The following CNTN5 variants were observed in gnomAD, a reference collection of about 807,000 sequenced individuals.
CNTN5 encodes contactin-5.
In CNTN5, 77 loss-of-function variants were observed where a neutral mutation model predicts 129.1. The ratio of observed to expected loss-of-function variants is 0.60; its 90% CI spans 0.50 to 0.72. The LOEUF is 0.72. Ranked by LOEUF, CNTN5 falls within the 30% of genes least tolerant of loss-of-function variation. The pLI is 0.00. For missense variants in CNTN5, 1,478 were observed against 1,328.8 expected (o/e 1.11, Z -1.75); for synonymous variants, 509 against 465.6 (o/e 1.09, Z -1.20).
chr11:99,411,521 AAAAT>A (rs953278056), intron 2 of CNTN5, among the ~76,000 whole-genome samples: 1 of 151,760 alleles, frequency 6.6e-6, no homozygotes, highest in African/African-American at 2.4e-5. Context: ...CCTTGTCTCA[AAAAT>A]AAATAAATAA....
intron 2 of CNTN5, among the ~76,000 whole-genome samples, chr11:99,415,520 A>G (rs950951314): frequency 2.0e-5 from 3 of 152,140 alleles, no homozygotes; most frequent in African/African-American, 7.2e-5. Context: ...TGTTATGCAG[A>G]AAAGAGGGGG....
intron 15 of CNTN5, among the ~76,000 whole-genome samples, chr11:100,222,999 T>TG (rs1949296509): frequency 1.8e-5 from 1 of 55,746 alleles, no homozygotes; most frequent in African/African-American, 8.2e-5. Context: ...TATTTCCCCA[T>TG]TTAAAAAAAT....
chr11:99,778,073 AT>A (rs1166739009), intron 3 of CNTN5, among the ~76,000 whole-genome samples: 3 of 151,622 alleles, frequency 2.0e-5, no homozygotes, highest in Non-Finnish European at 2.9e-5. Context: ...ATTGAGTTGA[AT>A]TTTTTTTCAA....
chr11:99,296,964 A>G (rs907855367), intron 1 of CNTN5, among the ~76,000 whole-genome samples: 1 of 152,160 alleles, frequency 6.6e-6, no homozygotes, highest in African/African-American at 2.4e-5. Flanking sequence ...CTTACTTCCT[A>G]GGTGGGGAAT....
At chr11:100,041,931 T>C (rs767778178) in intron 9 of CNTN5, among the ~76,000 whole-genome samples, 9 of 152,140 alleles carry the variant, frequency 5.9e-5, no homozygotes, top group Non-Finnish European at 1.2e-4. Flanking sequence ...TAATCACACG[T>C]TCTGAGTCAA....
intron 1 of CNTN5, among the ~76,000 whole-genome samples, chr11:99,248,411 T>G (rs1483133136): frequency 2.0e-5 from 3 of 152,186 alleles, no homozygotes; most frequent in Non-Finnish European, 4.4e-5. Flanking sequence ...TTTCTGTAGG[T>G]GGCCTGTTCA....
chr11:99,705,402 C>T (rs1954711441), intron 3 of CNTN5, among the ~76,000 whole-genome samples: 1 of 151,242 alleles, frequency 6.6e-6, no homozygotes, highest in African/African-American at 2.4e-5. Flanking sequence ...TTCCCTTTTC[C>T]TACAGAAAAG....
At position 99,524,303 on chromosome 11, in the gene CNTN5, A is replaced by T. The variant is rs574427865; in HGVS notation, c.-70-31842A>T. Among the ~76,000 whole-genome samples, 23 of 152,288 alleles carry T rather than the reference A, an allele frequency of 1.5e-4. No homozygotes were observed. The South Asian group carries it at 1.9e-3, about 12-fold the overall frequency. On this transcript the variant is annotated intron_variant, in intron 2 of 24. Coordinates refer to ENST00000524871, the MANE Select transcript of CNTN5 (RefSeq NM_014361.4). ...TTATACAAGTTTGTTTTGTATTTTC[A>T]TAAAATGATCATTTTAATTTAAAGG...
chr11:99,644,916 C>T (rs556538071), intron 3 of CNTN5, among the ~76,000 whole-genome samples: 12 of 151,716 alleles, frequency 7.9e-5, no homozygotes, highest in East Asian at 3.9e-4. Flanking sequence ...TTTTAAATAC[C>T]TTCCAGAAAC....
In CNTN5 at chr11:99,607,761, A is replaced by G. The variant is rs548784968; in HGVS notation, c.55+51492A>G. Among the ~76,000 whole-genome samples the G allele has an allele frequency of 3.0e-3, 383 of 127,718 alleles. 9 individuals are homozygous for G. Among genetic ancestry groups the G allele is most frequent in the African/African-American group, 9.1e-3 (336 of 36,850 alleles). 83.8% of individuals were successfully genotyped at this position (127,718 alleles called of 152,430 possible). A position where few individuals can be genotyped will look rare whatever the true frequency, so the allele number is the denominator to read the frequency against. ...TGGCACATATACACCATGGAATACT[A>G]TGCAGCCATAAAAAGATGATGAGTT... On this transcript the variant is annotated intron_variant, in intron 3 of 24. Coordinates refer to ENST00000524871, the MANE Select transcript of CNTN5 (RefSeq NM_014361.4).
chr11:100,271,060 A>C, intron 17 of CNTN5, 32 bp from the exon 18 acceptor site: 1 of 1,557,218 alleles, frequency 6.4e-7, no homozygotes, highest in South Asian at 1.2e-5. Flanking sequence ...TCTAGTCCTC[A>C]TAATGACATG....
At chr11:100,104,105 T>TA (rs2138075903) in intron 13 of CNTN5, among the ~76,000 whole-genome samples, 1 of 151,456 alleles carries the variant, frequency 6.6e-6, no homozygotes, top group Non-Finnish European at 1.5e-5. Flanking sequence ...TTTTTTTTTT[T>TA]TTTTTTTGAG....
intron 3 of CNTN5, among the ~76,000 whole-genome samples, chr11:99,812,191 T>A (rs1048933575): frequency 6.6e-6 from 1 of 151,970 alleles, no homozygotes; most frequent in Non-Finnish European, 1.5e-5. Flanking sequence ...ACTTGTGGAG[T>A]TTTCTGTAGA....
At chr11:99,384,904 C>T (rs1940829266) in intron 2 of CNTN5, among the ~76,000 whole-genome samples, 1 of 151,928 alleles carries the variant, frequency 6.6e-6, no homozygotes, top group South Asian at 2.1e-4. Flanking sequence ...CAAAGTCTAC[C>T]CCCCTAACAC....
chr11:100,345,719 A>G (rs1040742066), intron 23 of CNTN5, among the ~76,000 whole-genome samples: 1 of 152,298 alleles, frequency 6.6e-6, no homozygotes, highest in South Asian at 2.1e-4. Context: ...ATTTAGGTGA[A>G]CATTAAGCAG....
chr11:99,842,985 C>G (rs906442798), intron 4 of CNTN5, among the ~76,000 whole-genome samples: 10 of 152,194 alleles, frequency 6.6e-5, no homozygotes, highest in African/African-American at 2.4e-4. Context: ...ATTCCCAGCA[C>G]TTTGGGAGGC....
chr11:99,105,194 T>C (rs369406218), intron 1 of CNTN5, among the ~76,000 whole-genome samples: 1 of 152,186 alleles, frequency 6.6e-6, no homozygotes, highest in Non-Finnish European at 1.5e-5. Flanking sequence ...AGTACACTTA[T>C]GTCGTGGGAT....
At chr11:99,325,774 A>C (rs575901029) in intron 2 of CNTN5, among the ~76,000 whole-genome samples, 4 of 152,296 alleles carry the variant, frequency 2.6e-5, no homozygotes, top group Admixed American at 6.5e-5. Flanking sequence ...CAAGTAACTG[A>C]ATGTGGTATA....
intron 1 of CNTN5, among the ~76,000 whole-genome samples, chr11:99,290,815 T>C (rs117297316): frequency 0.013 from 1,966 of 151,994 alleles, 24 homozygotes; most frequent in Non-Finnish European, 0.017. Context: ...TAATCACTGA[T>C]GAAATGTCGG....
Sources: allele counts gnomAD v4.1 joint callset (sites outside exome capture counted in the v4.1 genomes callset), GRCh38; gene constraint gnomAD v4.1.1; transcripts MANE v1.5; gene names NCBI Gene and HGNC (gene_info 2026-07-23, HGNC 2026-07-21).